The following PLAA variants were observed in gnomAD, a reference collection of about 807,000 sequenced individuals.
PLAA encodes the protein phospholipase A2 activating protein, also known as phospholipase A-2-activating protein.
In PLAA, 48 loss-of-function variants were observed where a neutral mutation model predicts 84.1. That is an observed-to-expected ratio of 0.57 (90% confidence interval 0.45 to 0.73). The LOEUF (loss-of-function observed/expected upper bound fraction) is 0.73, where lower values mean the gene tolerates loss of function less well. PLAA is among the 30% of genes least tolerant of loss of function. The pLI is 0.00. For missense variants in PLAA, 903 were observed against 954.7 expected, an observed-to-expected ratio of 0.95 and a Z score of 0.71; for synonymous variants, 392 against 336.6, an observed-to-expected ratio of 1.16 and a Z score of -1.80.
Position 26,905,503 on chromosome 9 carries a change from C to A in PLAA, c.*8G>T. ...TCAATTAAAAATATCCGTCCCTCTT[C>A]CCCACTGCTACAGCAAATTTAGGAT... On this transcript the variant is annotated 3_prime_UTR_variant, in exon 14 of 14. Coordinates refer to ENST00000397292, the MANE Select transcript of PLAA (RefSeq NM_001031689.3). 1 of 1,586,822 alleles carries A rather than the reference C, an allele frequency of 6.3e-7. No individual in the cohort carries two copies. Among genetic ancestry groups the A allele is most frequent in the South Asian group, 1.1e-5 (1 of 87,406 alleles).
At chr9:26,916,282 A>G in intron 10 of PLAA, 5 of 985,378 alleles carry the variant, frequency 5.1e-6, no homozygotes, top group Non-Finnish European at 6.0e-6. Context: ...TCTCTTCCCA[A>G]ACTGAGTATA....
At chr9:26,934,948 G>T in intron 2 of PLAA, 65 bp downstream of exon 2, 1 of 1,208,388 alleles carries the variant, frequency 8.3e-7, no homozygotes, top group Non-Finnish European at 1.2e-6. Context: ...AAATGGATAT[G>T]TAAATTTTAC....
chr9:26,918,248 A>G, intron 9 of PLAA, among the ~76,000 whole-genome samples: 1 of 148,872 alleles, frequency 6.7e-6, no homozygotes, highest in South Asian at 2.1e-4. Flanking sequence ...AGGAGCTGGG[A>G]TTACAGGCGC....
At chr9:26,919,113 A>C in intron 9 of PLAA, 197 bp downstream of exon 9, 1 of 416,530 alleles carries the variant, frequency 2.4e-6, no homozygotes, top group South Asian at 9.3e-5. Flanking sequence ...TTTTTGAAAG[A>C]CAACAATTTA....
chr9:26,925,463 G>GT (rs1230717353), intron 6 of PLAA, among the ~76,000 whole-genome samples: 3 of 152,114 alleles, frequency 2.0e-5, no homozygotes, highest in South Asian at 2.1e-4. Context: ...AAAAATTTGC[G>GT]TATCTTTTCT....
intron 11 of PLAA, 23 bp from the exon 12 acceptor site, chr9:26,910,462 T>G: frequency 6.4e-7 from 1 of 1,551,864 alleles, no homozygotes; most frequent in South Asian, 1.1e-5. Context: ...TAGAAGATGA[T>G]GATAATCACA....
rs1364274176 is a variant in PLAA at position 26,926,399 on chromosome 9, A to G, written c.727T>C (p.Cys243Arg). The G allele has an allele frequency of 6.3e-7, 1 of 1,591,142 alleles. No individual in the cohort carries two copies. The highest frequency in any genetic ancestry group is 1.7e-5 in the Admixed American group (1 of 59,806). Residue 243 changes from cysteine (C) to arginine (R), a missense_variant, in exon 5 of 14, where the codon TGT becomes CGT. By Grantham distance (180) the Cys-to-Arg change is radical. Coordinates refer to ENST00000397292, the MANE Select transcript of PLAA (RefSeq NM_001031689.3). ...YIYSISVFPN[C>R]RDFVTTAEDR... ...TAGCATAAAATAATCTTACCTCTAC[A>G]ATTTGGAAAAACGGATATGCTATAA...
intron 10 of PLAA, chr9:26,916,512 A>AG (rs1824565407): frequency 5.1e-6 from 5 of 986,764 alleles, no homozygotes; most frequent in Non-Finnish European, 4.8e-6. Flanking sequence ...AACTTAGATT[A>AG]GGAAGACTAC....
At chr9:26,916,018 A>T (rs376821673) in intron 10 of PLAA, 1 of 985,338 alleles carries the variant, frequency 1.0e-6, no homozygotes, top group Non-Finnish European at 1.2e-6. Context: ...CCACTGTGCC[A>T]TAACAGCATT....
At position 26,920,371 on chromosome 9, in the gene PLAA, T is replaced by C; in HGVS notation, c.1053A>G (p.Gly351=). The part of the protein sequence containing the change: ...EHLNEPGTRE[G]QTRLIRDGEK... ...CCCCATCTCTGATTAGACGAGTCTG[T>C]CCTTCTCTAGTACCTTAAAATAAAA... is the stretch of plus-strand genomic sequence containing the variant. The change falls in exon 8 of 14, where the codon GGA becomes GGG. Residue 351 remains glycine, a synonymous_variant. Transcript: ENST00000397292. 2 of 1,611,016 alleles carry C rather than the reference T, an allele frequency of 1.2e-6. No individual in the cohort carries two copies. Among genetic ancestry groups the C allele is most frequent in the South Asian group, 1.1e-5 (1 of 90,674 alleles).
rs568900794 is a variant in PLAA at position 26,917,808 on chromosome 9, A to T, written c.1418-643T>A. On this transcript the variant is annotated intron_variant, in intron 9 of 13. Coordinates refer to ENST00000397292, the MANE Select transcript of PLAA (RefSeq NM_001031689.3). The stretch of plus-strand genomic sequence containing the variant: ...AAATAATCAGGTTGTCCACAAAAAA[A>T]ACAAAAAACAAAAAACAAAAAACAG... Among the ~76,000 whole-genome samples, 8 of 152,278 alleles carry T rather than the reference A, an allele frequency of 5.3e-5. No individual in the cohort carries two copies. In the East Asian group the frequency reaches 1.5e-3, roughly 29 times the overall value.
chr9:26,917,229 A>G, intron 9 of PLAA, 64 bp from the exon 10 acceptor site: 1 of 1,303,058 alleles, frequency 7.7e-7, no homozygotes, highest in South Asian at 1.2e-5. Context: ...CAAACAGCAC[A>G]ATGCTTGTTT....
chr9:26,926,657 T>C (rs1824977601), intron 4 of PLAA, 97 bp from the exon 5 acceptor site: 1 of 788,994 alleles, frequency 1.3e-6, no homozygotes, highest in Non-Finnish European at 1.9e-6. Flanking sequence ...CAGTGAGTAG[T>C]AAAAATTAAT....
intron 5 of PLAA, 75 bp downstream of exon 5, chr9:26,926,308 ATCAGCTCTCC>A (rs928518810): frequency 1.2e-6 from 1 of 829,216 alleles, no homozygotes; most frequent in African/African-American, 1.7e-5. Flanking sequence ...AAATTAAGTA[ATCAGCTCTCC>A]TCCCTCCATC....
intron 10 of PLAA, chr9:26,916,429 T>C (rs1292209306): frequency 2.0e-6 from 2 of 987,002 alleles, no homozygotes; most frequent in Non-Finnish European, 2.4e-6. Context: ...TGCTGAGGCA[T>C]GCATACCTTG....
rs565996385 is a variant in PLAA at position 26,947,163 on chromosome 9, G to A, written c.-118C>T. ...AGCCTGCAGGTAAGGGGCGGCCGGA[G>A]ACCGGAAGAGCCCGAGAGCCGGTAC... On this transcript the variant is annotated 5_prime_UTR_variant, in exon 1 of 14. Coordinates refer to ENST00000397292, the MANE Select transcript of PLAA (RefSeq NM_001031689.3). The A allele has an allele frequency of 4.9e-6, 6 of 1,221,968 alleles. No individual in the cohort carries two copies. The highest frequency in any genetic ancestry group is 6.9e-5 in the Admixed American group (2 of 29,118). The allele number at this position is 1,221,968 out of a possible 1,614,324, so 75.7% of individuals were successfully genotyped here. A position where few individuals can be genotyped will look rare whatever the true frequency, so the allele number is the denominator to read the frequency against.
chr9:26,917,285 C>G (rs1824594307), intron 9 of PLAA, 120 bp from the exon 10 acceptor site: 1 of 717,764 alleles, frequency 1.4e-6, no homozygotes, highest in African/African-American at 1.8e-5. Context: ...AAAACTTTCA[C>G]ATGATAGAAT....
chr9:26,946,938 G>C lies in PLAA; in HGVS notation c.108C>G (p.Ser36=), dbSNP rs774591167. 12 of 1,584,440 alleles carry C rather than the reference G, an allele frequency of 7.6e-6. No homozygotes were observed. Among genetic ancestry groups the C allele is most frequent in the African/African-American group, 2.7e-5 (2 of 74,252 alleles). The change falls in exon 1 of 14, where the codon TCC becomes TCG. Residue 36 remains serine, a synonymous_variant. Transcript: ENST00000397292. ...CCAYPPGAFV[S]VSRDRTTRLW... ...GGCGGGTGGTGCGGTCTCGGGACAC[G>C]GACACAAAGGCTCCCGGCGGATAGG...
chr9:26,914,019 A>T, intron 10 of PLAA, 72 bp from the exon 11 acceptor site: 2 of 1,034,138 alleles, frequency 1.9e-6, no homozygotes, highest in Non-Finnish European at 3.0e-6. Flanking sequence ...TCCTTCGCTT[A>T]TTTCCAGTAT....
Sources: allele counts gnomAD v4.1 joint callset (sites outside exome capture counted in the v4.1 genomes callset), GRCh38; gene constraint gnomAD v4.1.1; transcripts MANE v1.5; gene names NCBI Gene and HGNC (gene_info 2026-07-23, HGNC 2026-07-21).